MFN2: variants seen among roughly 807,000 people sequenced by gnomAD.
MFN2 encodes the protein mitofusin 2.
In MFN2, 43 loss-of-function variants were observed where a neutral mutation model predicts 87.5. The ratio of observed to expected loss-of-function variants is 0.49; its 90% confidence interval spans 0.38 to 0.63. MFN2 has a LOEUF of 0.63. Among genes scored for constraint, MFN2 ranks in the 30% least tolerant of loss-of-function variants. The probability of loss-of-function intolerance (pLI) is 0.00; values close to 1 mark genes in which losing one functional copy is unlikely to be tolerated. For missense variants in MFN2, 743 were observed against 972.8 expected (o/e 0.76, Z 3.14); for synonymous variants, 337 against 359.9 (o/e 0.94, Z 0.72).
At chr1:12,009,131 G>T (rs1345738022) in intron 17 of MFN2, among the ~76,000 whole-genome samples, 11 of 152,230 alleles carry the variant, frequency 7.2e-5, no homozygotes, top group Non-Finnish European at 1.6e-4. Context: ...GGAGGTTGCA[G>T]TGAGCAGAGA....
intron 5 of MFN2, among the ~76,000 whole-genome samples, chr1:11,996,733 A>G (rs981238481): frequency 6.6e-6 from 1 of 152,102 alleles, no homozygotes; most frequent in African/African-American, 2.4e-5. Context: ...CAGATGCTCA[A>G]TTTGCTTCAT....
intron 3 of MFN2, among the ~76,000 whole-genome samples, chr1:11,991,147 A>G (rs533515248): frequency 5.9e-5 from 9 of 152,372 alleles, no homozygotes; most frequent in African/African-American, 2.2e-4. Flanking sequence ...TTTGTTGGCC[A>G]TCTGCCTGTT....
At chr1:11,983,272 C>T (rs529057607) in intron 2 of MFN2, among the ~76,000 whole-genome samples, 17 of 152,236 alleles carry the variant, frequency 1.1e-4, no homozygotes, top group South Asian at 2.1e-4. Context: ...GGGGTTTCAC[C>T]GTGTTAGCCA....
chr1:12,004,635 C>G lies in MFN2; in HGVS notation c.1392+22C>G, dbSNP rs199693982. ...GAATGTGAGTCATGGAGCAACAGGT[C>G]CTCTTGGCAGGAGGCCCCCAAAAGT... On this transcript the variant is annotated intron_variant, in intron 13 of 18. Transcript: ENST00000235329. This position sits in a 1 kb window ranked among gnomAD's most constrained non-coding sequence, Gnocchi z 4.2. The G allele has an allele frequency of 6.2e-7, 1 of 1,608,168 alleles. No homozygotes were observed. Among genetic ancestry groups the G allele is most frequent in the African/African-American group, 1.3e-5 (1 of 74,908 alleles).
At position 12,009,655 on chromosome 1, in the gene MFN2, G is replaced by T. The variant is rs1486405515; in HGVS notation, c.2133G>T (p.Glu711Asp). Residue 711 changes from glutamate (E) to aspartate (D), a missense_variant, in exon 18 of 19, where the codon GAG becomes GAT. By Grantham distance (45) the Glu-to-Asp change is conservative. Coordinates refer to ENST00000235329, the MANE Select transcript of MFN2 (RefSeq NM_014874.4). ...QQVDVTRENL[E>D]QEIAAMNKKI... ...TTGACGTCACCCGGGAGAACCTGGA[G>T]CAGGAAATTGCCGCCATGAACAAGA... is the stretch of plus-strand genomic sequence containing the variant. 2 of 1,614,126 alleles carry T rather than the reference G, an allele frequency of 1.2e-6. No individual in the cohort carries two copies. Among genetic ancestry groups the T allele is most frequent in the East Asian group, 4.5e-5 (2 of 44,900 alleles).
intron 6 of MFN2, 28 bp from the exon 7 acceptor site, chr1:11,998,742 T>G: frequency 1.3e-6 from 2 of 1,599,104 alleles, no homozygotes; most frequent in Non-Finnish European, 1.7e-6. Flanking sequence ...CTCTGCCTGA[T>G]GATTTGGTTT....
intron 18 of MFN2, among the ~76,000 whole-genome samples, chr1:12,010,059 C>T (rs1012658684): frequency 3.3e-5 from 5 of 152,082 alleles, no homozygotes; most frequent in African/African-American, 1.2e-4. Flanking sequence ...CAGGCTGAGG[C>T]AGGAGAATGG....
In MFN2 at chr1:11,989,651, C is replaced by A. The variant is rs146651104; in HGVS notation, c.175+308C>A. On this transcript the variant is annotated intron_variant, in intron 3 of 18. Coordinates refer to ENST00000235329, the MANE Select transcript of MFN2 (RefSeq NM_014874.4). Reference sequence around the variant, plus strand: ...TTGAGGTTTGAGAGTTGTCCGATACCTTGTAAGTAATAGATCAGGGTTTTA... The same window carrying A: ...TTGAGGTTTGAGAGTTGTCCGATACATTGTAAGTAATAGATCAGGGTTTTA... 3.3e-4 allele frequency among the ~76,000 whole-genome samples: 50 copies of A among 152,290 alleles called. 1 individual carries two copies. The East Asian group carries it at 7.1e-3, about 22-fold the overall frequency.
At chr1:12,010,050 A>G (rs1325056504) in intron 18 of MFN2, among the ~76,000 whole-genome samples, 1 of 152,188 alleles carries the variant, frequency 6.6e-6, no homozygotes, top group Non-Finnish European at 1.5e-5. Context: ...GCCACTCGAC[A>G]GGCTGAGGCA....
At chr1:12,009,489 G>C (rs1372959855) in intron 17 of MFN2, 103 bp from the exon 18 acceptor site, 21 of 1,521,920 alleles carry the variant, frequency 1.4e-5, no homozygotes, top group Non-Finnish European at 1.9e-5. Context: ...GCTGCTGGCA[G>C]GGATATAGAC....
Position 12,004,194 on chromosome 1 carries a change from C to G in MFN2, c.1287+76C>G. On this transcript the variant is annotated intron_variant, in intron 12 of 18. Transcript: ENST00000235329. This position sits in a 1 kb window ranked among gnomAD's most constrained non-coding sequence, Gnocchi z 4.2. ...TCCAGAAGAAAGCAGACCTCCTCCT[C>G]TTAGGGACTTCTCAGCCTTTCAGAA... The G allele has an allele frequency of 1.3e-6, 2 of 1,577,300 alleles. No homozygotes were observed. The highest frequency in any genetic ancestry group is 1.7e-6 in the Non-Finnish European group (2 of 1,152,788).
rs886045228 is a variant in MFN2 at position 12,012,500 on chromosome 1, G to A, written c.*935G>A. ...AGCTGGAGAATGGGCCGTCCACTTG[G>A]CCTCGTTCTGCGAGGGGCTCATGGG... On this transcript the variant is annotated 3_prime_UTR_variant, in exon 19 of 19. Coordinates refer to ENST00000235329, the MANE Select transcript of MFN2 (RefSeq NM_014874.4). 3.9e-5 allele frequency: 6 copies of A among 152,328 alleles called. No individual in the cohort carries two copies. The highest frequency in any genetic ancestry group is 1.4e-4 in the African/African-American group (6 of 41,428). 9.4% of individuals were successfully genotyped at this position (152,328 alleles called of 1,614,324 possible).
intron 6 of MFN2, among the ~76,000 whole-genome samples, chr1:11,997,976 C>A (rs749936706): frequency 8.9e-4 from 131 of 147,484 alleles, no homozygotes; most frequent in Non-Finnish European, 8.0e-4. Context: ...CTCCGCCTCC[C>A]GGGTTCAAGT....
chr1:12,010,389 A>C (rs1206073509), intron 18 of MFN2, among the ~76,000 whole-genome samples: 1 of 152,170 alleles, frequency 6.6e-6, no homozygotes, highest in African/African-American at 2.4e-5. Context: ...CTACATAGAA[A>C]TGTTGGGGAA....
chr1:11,987,631 G>A (rs6677365), intron 2 of MFN2, among the ~76,000 whole-genome samples: 92,684 of 137,098 alleles, frequency 0.68, 30,675 homozygotes, highest in South Asian at 0.71. Flanking sequence ...CTCTGTCTCA[G>A]AAAAAAAAAA....
At chr1:11,999,549 G>A (rs773723732) in intron 8 of MFN2, among the ~76,000 whole-genome samples, 2 of 151,966 alleles carry the variant, frequency 1.3e-5, no homozygotes. Flanking sequence ...GTAGAGACGG[G>A]GTTTTGTCAT....
At position 11,998,816 on chromosome 1, in the gene MFN2, T is replaced by C; in HGVS notation, c.646T>C (p.Phe216Leu). ...AGAGCTGGACAGCTGGATTGACAAG[T>C]TTTGTCTGGATGCTGATGTGTTTGT... Reference protein sequence around the residue: ...TTELDSWIDKFCLDADVFVLV... With the variant: ...TTELDSWIDKLCLDADVFVLV... The change falls in exon 7 of 19, where the codon TTT (phenylalanine) becomes CTT (leucine). Residue 216 changes from phenylalanine (F) to leucine (L), a missense_variant. This residue lies in a region of MFN2 where 141 missense variants were observed against 278.9 expected (regional missense o/e 0.51). Coordinates refer to ENST00000235329, the MANE Select transcript of MFN2 (RefSeq NM_014874.4). The C allele has an allele frequency of 6.2e-7, 1 of 1,614,106 alleles. No homozygotes were observed. Among genetic ancestry groups the C allele is most frequent in the Non-Finnish European group, 8.5e-7 (1 of 1,180,032 alleles).
chr1:12,002,975 C>G (rs570254979), intron 11 of MFN2, among the ~76,000 whole-genome samples: 1 of 152,186 alleles, frequency 6.6e-6, no homozygotes, highest in Non-Finnish European at 1.5e-5. Context: ...TTCTCAACAT[C>G]GTTTTTCCCT....
intron 1 of MFN2, 100 bp from the exon 2 acceptor site, chr1:11,981,870 G>A (rs984692331): frequency 2.7e-5 from 4 of 149,984 alleles, no homozygotes; most frequent in African/African-American, 9.9e-5. Flanking sequence ...TTCCCTCAGG[G>A]ATGAGTTTGT....
Sources: gnomAD v4.1 joint callset for allele counts (sites outside exome capture counted in the v4.1 genomes callset) on GRCh38, gnomAD v4.1.1 for gene constraint, gnomAD v4.1.1 regional missense constraint, Gnocchi (gnomAD v3.1) non-coding constraint, MANE v1.5 for transcripts, NCBI Gene and HGNC (gene_info 2026-07-23, HGNC 2026-07-21) for gene names.